Variants in KIF26B observed in about 807,000 individuals in gnomAD.
KIF26B encodes the protein kinesin-like protein KIF26B.
In KIF26B, 63 loss-of-function variants were observed where a neutral mutation model predicts 151.2. The ratio of observed to expected loss-of-function variants is 0.42; its 90% CI spans 0.34 to 0.51. The LOEUF is 0.51. KIF26B is among the 20% of genes least tolerant of loss of function. KIF26B has a pLI of 0.07. For synonymous variants in KIF26B, 1,357 were observed against 1,262.1 expected (o/e 1.08, Z -1.59); for missense variants, 2,813 against 2,913.6 (o/e 0.97, Z 0.79).
chr1:245,454,269 T>C (rs1339075208), intron 4 of KIF26B, among the ~76,000 whole-genome samples: 1 of 152,214 alleles, frequency 6.6e-6, no homozygotes, highest in African/African-American at 2.4e-5. Context: ...CCTGGCTTCC[T>C]TCACGTAATA....
At chr1:245,334,339 T>C (rs1672180232) in intron 2 of KIF26B, among the ~76,000 whole-genome samples, 1 of 152,228 alleles carries the variant, frequency 6.6e-6, no homozygotes, top group Admixed American at 6.5e-5. Flanking sequence ...TTCCTGGTGT[T>C]AACTAACTCT....
intron 2 of KIF26B, among the ~76,000 whole-genome samples, chr1:245,202,941 CA>C (rs74163024): frequency 7.4e-6 from 1 of 134,406 alleles, no homozygotes; most frequent in Admixed American, 7.4e-5. Context: ...GACTCTGTCT[CA>C]AAAAAAACAA....
intron 2 of KIF26B, among the ~76,000 whole-genome samples, chr1:245,289,951 C>T (rs1331714463): frequency 3.3e-5 from 5 of 152,152 alleles, no homozygotes; most frequent in Non-Finnish European, 5.9e-5. Context: ...GAGAAGTCTT[C>T]CCAAAATACC....
At chr1:245,685,103 G>T (rs534326649) in intron 11 of KIF26B, among the ~76,000 whole-genome samples, 3 of 152,358 alleles carry the variant, frequency 2.0e-5, no homozygotes, top group African/African-American at 7.2e-5. Flanking sequence ...ACGGCACAGG[G>T]TGCCAAACAT....
chr1:245,301,466 T>C (rs908287782), intron 2 of KIF26B, among the ~76,000 whole-genome samples: 3 of 152,162 alleles, frequency 2.0e-5, no homozygotes, highest in African/African-American at 7.2e-5. Context: ...TTTATAGAAA[T>C]GGACAGCCCG....
chr1:245,405,647 A>G (rs895387183), intron 3 of KIF26B, among the ~76,000 whole-genome samples: 1 of 151,240 alleles, frequency 6.6e-6, no homozygotes, highest in Non-Finnish European at 1.5e-5. Flanking sequence ...GTATGCATGA[A>G]TAAGTGCTGC....
intron 2 of KIF26B, among the ~76,000 whole-genome samples, chr1:245,234,038 G>GC (rs1190795121): frequency 6.6e-6 from 1 of 152,000 alleles, no homozygotes; most frequent in Non-Finnish European, 1.5e-5. Flanking sequence ...ACAAAAATTA[G>GC]CTGGGCATGG....
intron 2 of KIF26B, among the ~76,000 whole-genome samples, chr1:245,344,555 A>T (rs1672407227): frequency 6.7e-6 from 1 of 150,096 alleles, no homozygotes; most frequent in Admixed American, 6.6e-5. Context: ...GTGGATAATG[A>T]GCTTTCCTGG....
intron 4 of KIF26B, among the ~76,000 whole-genome samples, chr1:245,453,523 C>T (rs1425340887): frequency 6.6e-6 from 1 of 152,002 alleles, no homozygotes; most frequent in African/African-American, 2.4e-5. Flanking sequence ...GGTAAAGGCT[C>T]CTAATTTGAG....
intron 2 of KIF26B, among the ~76,000 whole-genome samples, chr1:245,286,441 G>A (rs965843561): frequency 1.3e-5 from 2 of 152,060 alleles, no homozygotes; most frequent in African/African-American, 2.4e-5. Context: ...ACCCAGTTGG[G>A]CGAGGCACGA....
intron 10 of KIF26B, among the ~76,000 whole-genome samples, chr1:245,678,906 T>G (rs1373178309): frequency 6.6e-6 from 1 of 151,976 alleles, no homozygotes; most frequent in Admixed American, 6.6e-5. Flanking sequence ...CTCTCCCTTT[T>G]CTAGAAAAGA....
At chr1:245,629,164 C>T (rs1372443381) in intron 9 of KIF26B, among the ~76,000 whole-genome samples, 1 of 152,164 alleles carries the variant, frequency 6.6e-6, no homozygotes, top group East Asian at 1.9e-4. Flanking sequence ...TGAAAATGGC[C>T]ATACTGCCAA....
chr1:245,294,788 G>C (rs1270203968), intron 2 of KIF26B, among the ~76,000 whole-genome samples: 1 of 151,906 alleles, frequency 6.6e-6, no homozygotes, highest in Non-Finnish European at 1.5e-5. Context: ...TCAGCTTCCC[G>C]AGTAGCTGGG....
Position 245,686,610 on chromosome 1 carries a change from C to G in KIF26B, c.3627C>G (p.Ser1209Arg), listed in dbSNP as rs1227751522. ...TCCTGGACAGCGGCCGCCCCACCAG[C>G]ATCATCAGCTTCAACAGCGACTGCT... ...SGVLDSGRPTSIISFNSDCSA... is the reference protein window; with the variant it reads ...SGVLDSGRPTRIISFNSDCSA... The change falls in exon 12 of 15, where the codon AGC becomes AGG. Residue 1209 changes from serine (S) to arginine (R), a missense_variant. Ser to Arg is a moderately radical substitution (Grantham distance 110). Transcript: ENST00000407071. This position sits in a 1 kb window ranked among gnomAD's most constrained non-coding sequence, Gnocchi z 5.6. 1.2e-6 allele frequency: 2 copies of G among 1,611,368 alleles called. No individual in the cohort carries two copies. Among genetic ancestry groups the G allele is most frequent in the Non-Finnish European group, 1.7e-6 (2 of 1,179,190 alleles).
Position 245,665,999 on chromosome 1 carries a change from C to CTTTTTTTT in KIF26B, c.2259-18221_2259-18214dup, listed in dbSNP as rs33957488. Among the ~76,000 whole-genome samples, 13 of 107,414 alleles carry CTTTTTTTT rather than the reference C, an allele frequency of 1.2e-4. 1 individual carries two copies. Among genetic ancestry groups the CTTTTTTTT allele is most frequent in the Non-Finnish European group, 1.9e-4 (11 of 56,472 alleles). 70.5% of individuals were successfully genotyped at this position (107,414 alleles called of 152,430 possible). ...CTGCTCCTGGCTGGAACATTATGTC[C>CTTTTTTTT]TTTTTTTTTTTTTTTTTTTTGAGAC... On this transcript the variant is annotated intron_variant, in intron 10 of 14. Transcript: ENST00000407071.
intron 12 of KIF26B, among the ~76,000 whole-genome samples, chr1:245,695,693 G>A (rs537329095): frequency 3.9e-5 from 6 of 152,234 alleles, no homozygotes; most frequent in South Asian, 4.1e-4. Flanking sequence ...GTAGATACCC[G>A]CCAGGATATT....
rs116591382 is a variant in KIF26B at position 245,237,431 on chromosome 1, T to C, written c.465+80748T>C. ...TGGAGTTTTTGTAACGGGAAAGTGC[T>C]CCTCCAGCACCCAGGAAGCCTTGGG... On this transcript the variant is annotated intron_variant, in intron 2 of 14. Coordinates refer to ENST00000407071, the MANE Select transcript of KIF26B (RefSeq NM_018012.4). 3.2e-3 allele frequency among the ~76,000 whole-genome samples: 489 copies of C among 152,192 alleles called. 2 individuals are homozygous for C. Among genetic ancestry groups the C allele is most frequent in the African/African-American group, 0.011 (473 of 41,508 alleles).
At chr1:245,691,077 A>G (rs2044619646) in intron 12 of KIF26B, among the ~76,000 whole-genome samples, 1 of 152,232 alleles carries the variant, frequency 6.6e-6, no homozygotes, top group African/African-American at 2.4e-5. Flanking sequence ...AGTGTCCCAC[A>G]GTGCTTTCAT....
rs1670647034 is a variant in KIF26B, at chr1:245,261,609, G to A, written c.465+104926G>A. ...TCTTTTCTTTCTTTCTCTCAAGACA[G>A]GGTCTAGCTGTGTTGCCCAGGCTGG... On this transcript the variant is annotated intron_variant, in intron 2 of 14. Transcript: ENST00000407071. 2.7e-5 allele frequency among the ~76,000 whole-genome samples: 4 copies of A among 146,824 alleles called. No individual in the cohort carries two copies. The South Asian group carries it at 8.9e-4, about 33-fold the overall frequency.
Sources: allele counts gnomAD v4.1 joint callset (sites outside exome capture counted in the v4.1 genomes callset), GRCh38; gene constraint gnomAD v4.1.1; non-coding constraint Gnocchi (gnomAD v3.1); transcripts MANE v1.5; gene names NCBI Gene and HGNC (gene_info 2026-07-23, HGNC 2026-07-21).